Variants in TMEM167B observed in about 807,000 individuals in gnomAD.
TMEM167B encodes transmembrane protein 167B.
TMEM167B carries 2 observed loss-of-function variants against 9.4 expected under a neutral mutation model. The ratio of observed to expected loss-of-function variants is 0.21; its 90% CI spans 0.09 to 0.67. The LOEUF is 0.67. Ranked by LOEUF, TMEM167B falls within the 30% of genes least tolerant of loss-of-function variation. The pLI, the probability that TMEM167B is intolerant of heterozygous loss-of-function variation, is 0.82. For missense variants in TMEM167B, 68 were observed against 87.6 expected (o/e 0.78, Z 0.89); for synonymous variants, 28 against 32.0 (o/e 0.87, Z 0.42).
At chr1:109,091,410 G>C (rs2102126139) in intron 1 of TMEM167B, among the ~76,000 whole-genome samples, 1 of 152,340 alleles carries the variant, frequency 6.6e-6, no homozygotes, top group Non-Finnish European at 1.5e-5. Context: ...CCCACGTGGA[G>C]ACCCTGACTA....
At chr1:109,091,886 T>C (rs1664459142) in intron 1 of TMEM167B, 1 of 152,182 alleles carries the variant, frequency 6.6e-6, no homozygotes. Context: ...TTATATATAA[T>C]ATTCATTTGG....
intron 1 of TMEM167B, among the ~76,000 whole-genome samples, chr1:109,091,935 C>A (rs1447396219): frequency 2.0e-5 from 3 of 152,046 alleles, no homozygotes; most frequent in African/African-American, 7.2e-5. Context: ...ATACTAGGCA[C>A]AGTAAGAAAA....
chr1:109,092,603 A>G (rs550269688), intron 1 of TMEM167B, among the ~76,000 whole-genome samples: 34 of 151,960 alleles, frequency 2.2e-4, no homozygotes, highest in African/African-American at 8.2e-4. Context: ...TTGGGGTCTC[A>G]CTCTGTTGCT....
chr1:109,092,960 A>G lies in TMEM167B; in HGVS notation c.81A>G (p.Val27=), dbSNP rs752301433. The change falls in exon 2 of 3, where the codon GTA becomes GTG. Residue 27 remains valine, a synonymous_variant. Transcript: ENST00000338272. The part of the protein sequence containing the change: ...FVCTCAYFKK[V]PRLKTWLLSE... The stretch of plus-strand genomic sequence containing the variant: ...GCACCTGTGCCTACTTCAAGAAAGT[A>G]CCTCGTCTCAAAACCTGGCTGCTAT... 1.2e-6 allele frequency: 2 copies of G among 1,614,126 alleles called. No individual in the cohort carries two copies. Among genetic ancestry groups the G allele is most frequent in the East Asian group, 4.5e-5 (2 of 44,874 alleles).
In TMEM167B at chr1:109,094,639, A is replaced by G. The variant is rs545731663; in HGVS notation, c.*140A>G. The G allele has an allele frequency of 1.2e-5, 9 of 742,942 alleles. No homozygotes were observed. The African/African-American group carries it at 1.4e-4, about 11-fold the overall frequency. The allele number at this position is 742,942 out of a possible 1,614,324, so 46.0% of individuals were successfully genotyped here. Reference sequence around the variant, plus strand: ...ACACCACAGCATCTGCCCCTGCTATATGTGGGGAAAACTCATGGTCACGAA... The same window carrying G: ...ACACCACAGCATCTGCCCCTGCTATGTGTGGGGAAAACTCATGGTCACGAA... On this transcript the variant is annotated 3_prime_UTR_variant, in exon 3 of 3. Transcript: ENST00000338272.
rs960758580 is a variant in TMEM167B, at chr1:109,096,920, C to CT, written c.*2428dup. 14 of 152,158 alleles carry CT rather than the reference C, an allele frequency of 9.2e-5. No homozygotes were observed. Among genetic ancestry groups the CT allele is most frequent in the African/African-American group, 3.1e-4 (13 of 41,520 alleles). The allele number at this position is 152,158 out of a possible 1,614,324, so 9.4% of individuals were successfully genotyped here. A position where few individuals can be genotyped will look rare whatever the true frequency, so the allele number is the denominator to read the frequency against. ...TCTGCACAAATCCTTGAAAATAAAC[C>CT]TTTTTTTCCCTACAGTCTTTGTCAA... is the stretch of plus-strand genomic sequence containing the variant. On this transcript the variant is annotated 3_prime_UTR_variant, in exon 3 of 3. Coordinates refer to ENST00000338272, the MANE Select transcript of TMEM167B (RefSeq NM_020141.4).
At chr1:109,093,191 A>AGAGG in intron 2 of TMEM167B, 170 bp downstream of exon 2, 1 of 997,344 alleles carries the variant, frequency 1.0e-6, no homozygotes, top group Non-Finnish European at 1.4e-6. Flanking sequence ...AGTTGAGGGA[A>AGAGG]GAGGTAAAAG....
Position 109,095,933 on chromosome 1 carries a change from T to G in TMEM167B, c.*1434T>G, listed in dbSNP as rs906944200. ...TAAAAAAAAAGAGTAGGTCTAAAAT[T>G]AAATTATTATAAGCAAGCATAGACA... On this transcript the variant is annotated 3_prime_UTR_variant, in exon 3 of 3. Transcript: ENST00000338272. 2 of 152,300 alleles carry G rather than the reference T, an allele frequency of 1.3e-5. No homozygotes were observed. Among genetic ancestry groups the G allele is most frequent in the South Asian group, 4.1e-4 (2 of 4,828 alleles). The allele number at this position is 152,300 out of a possible 1,614,324, so 9.4% of individuals were successfully genotyped here. A position where few individuals can be genotyped will look rare whatever the true frequency, so the allele number is the denominator to read the frequency against.
At position 109,095,604 on chromosome 1, in the gene TMEM167B, C is replaced by T. The variant is rs1158855668; in HGVS notation, c.*1105C>T. ...CCAAATTTTAATTTTCTTCATATTG[C>T]ATTGCTCTTTAGTTGTCTCTGGAAA... is the stretch of plus-strand genomic sequence containing the variant. On this transcript the variant is annotated 3_prime_UTR_variant, in exon 3 of 3. Transcript: ENST00000338272. 1 of 152,074 alleles carries T rather than the reference C, an allele frequency of 6.6e-6. No individual in the cohort carries two copies. The highest frequency in any genetic ancestry group is 1.5e-5 in the Non-Finnish European group (1 of 68,022). 9.4% of individuals were successfully genotyped at this position (152,074 alleles called of 1,614,324 possible).
Position 109,094,649 on chromosome 1 carries a change from A to G in TMEM167B, c.*150A>G. ...ATCTGCCCCTGCTATATGTGGGGAA[A>G]ACTCATGGTCACGAACATTATTTAT... is the stretch of plus-strand genomic sequence containing the variant. On this transcript the variant is annotated 3_prime_UTR_variant, in exon 3 of 3. Coordinates refer to ENST00000338272, the MANE Select transcript of TMEM167B (RefSeq NM_020141.4). 2 of 696,578 alleles carry G rather than the reference A, an allele frequency of 2.9e-6. No homozygotes were observed. Among genetic ancestry groups the G allele is most frequent in the South Asian group, 1.8e-5 (1 of 56,564 alleles). The allele number at this position is 696,578 out of a possible 1,614,324, so 43.1% of individuals were successfully genotyped here.
rs1664528263 is a variant in TMEM167B at position 109,094,688 on chromosome 1, A to G, written c.*189A>G. ...AACATTATTTATGCTTCAGGGGACT[A>G]CAGAAAGCCAGCTTCCTTTGATCTA... On this transcript the variant is annotated 3_prime_UTR_variant, in exon 3 of 3. Transcript: ENST00000338272. 2 of 600,258 alleles carry G rather than the reference A, an allele frequency of 3.3e-6. No individual in the cohort carries two copies. Among genetic ancestry groups the G allele is most frequent in the Non-Finnish European group, 5.9e-6 (2 of 339,152 alleles). 37.2% of individuals were successfully genotyped at this position (600,258 alleles called of 1,614,324 possible).
At position 109,094,493 on chromosome 1, in the gene TMEM167B, A is replaced by T. The variant is rs1200592910; in HGVS notation, c.219A>T (p.Ile73=). 4.3e-6 allele frequency: 7 copies of T among 1,613,756 alleles called. No homozygotes were observed. The Admixed American group carries it at 1.0e-4, about 23-fold the overall frequency. ...TAATGGCCTTTTACGTCCTGTTTAT[A>T]AAATGAATTCCAAAGCACCCAAGTC... The part of the protein sequence containing the change: ...CVVMAFYVLF[I]K Residue 73 remains isoleucine (I), a synonymous_variant, in exon 3 of 3, where the codon ATA becomes ATT. Coordinates refer to ENST00000338272, the MANE Select transcript of TMEM167B (RefSeq NM_020141.4).
chr1:109,095,862 A>G lies in TMEM167B; in HGVS notation c.*1363A>G, dbSNP rs887385542. 2 of 152,224 alleles carry G rather than the reference A, an allele frequency of 1.3e-5. No homozygotes were observed. The highest frequency in any genetic ancestry group is 1.3e-4 in the Admixed American group (2 of 15,276). 9.4% of individuals were successfully genotyped at this position (152,224 alleles called of 1,614,324 possible). A position where few individuals can be genotyped will look rare whatever the true frequency, so the allele number is the denominator to read the frequency against. On this transcript the variant is annotated 3_prime_UTR_variant, in exon 3 of 3. Transcript: ENST00000338272. ...AGGAAGACTTCTCCATTCCCTGCTT[A>G]TATCTATGGAAGGATCAGCTGTTGG...
Position 109,090,788 on chromosome 1 carries a change from G to C in TMEM167B, c.-85G>C, listed in dbSNP as rs531014946. ...TCTTCCAGTCACCTCGGCCCGGATC[G>C]GGAAGTGTCAAGCGGGCGCTCCCCC... On this transcript the variant is annotated 5_prime_UTR_variant, in exon 1 of 3. Transcript: ENST00000338272. 15 of 1,516,772 alleles carry C rather than the reference G, an allele frequency of 9.9e-6. No individual in the cohort carries two copies. The African/African-American group carries it at 1.5e-4, about 15-fold the overall frequency. The allele number at this position is 1,516,772 out of a possible 1,614,324, so 94.0% of individuals were successfully genotyped here.
At chr1:109,091,130 TTTTC>T (rs1249219238) in intron 1 of TMEM167B, among the ~76,000 whole-genome samples, 2 of 152,234 alleles carry the variant, frequency 1.3e-5, no homozygotes, top group Non-Finnish European at 2.9e-5. Flanking sequence ...TTGCTTTCCC[TTTTC>T]TTTTTCTTAG....
intron 2 of TMEM167B, 68 bp downstream of exon 2, chr1:109,093,089 A>T: frequency 6.3e-7 from 1 of 1,581,024 alleles, no homozygotes; most frequent in Non-Finnish European, 8.6e-7. Context: ...CAAAGTAGGG[A>T]GTACAGTGAG....
chr1:109,090,772 C>T lies in TMEM167B; in HGVS notation c.-101C>T, dbSNP rs902928725. On this transcript the variant is annotated 5_prime_UTR_variant, in exon 1 of 3. Transcript: ENST00000338272. Reference sequence around the variant, plus strand: ...CCTGCGTACTACGGCTTCTTCCAGTCACCTCGGCCCGGATCGGGAAGTGTC... The same window carrying T: ...CCTGCGTACTACGGCTTCTTCCAGTTACCTCGGCCCGGATCGGGAAGTGTC... 1.4e-6 allele frequency: 2 copies of T among 1,452,050 alleles called. No homozygotes were observed. Among genetic ancestry groups the T allele is most frequent in the African/African-American group, 1.4e-5 (1 of 71,196 alleles). The allele number at this position is 1,452,050 out of a possible 1,614,324, so 89.9% of individuals were successfully genotyped here. A position where few individuals can be genotyped will look rare whatever the true frequency, so the allele number is the denominator to read the frequency against.
chr1:109,096,636 C>G lies in TMEM167B; in HGVS notation c.*2137C>G, dbSNP rs531476014. Reference sequence around the variant, plus strand: ...TAATTTACAGCCAGAAACAAATATACATTTGTTTCATTTCTTGACTTTCCC... The same window carrying G: ...TAATTTACAGCCAGAAACAAATATAGATTTGTTTCATTTCTTGACTTTCCC... On this transcript the variant is annotated 3_prime_UTR_variant, in exon 3 of 3. Transcript: ENST00000338272. 70 of 152,294 alleles carry G rather than the reference C, an allele frequency of 4.6e-4. No homozygotes were observed. The highest frequency in any genetic ancestry group is 1.5e-3 in the African/African-American group (61 of 41,556). The allele number at this position is 152,294 out of a possible 1,614,324, so 9.4% of individuals were successfully genotyped here.
At chr1:109,092,129 A>G (rs1354600517) in intron 1 of TMEM167B, among the ~76,000 whole-genome samples, 1 of 152,212 alleles carries the variant, frequency 6.6e-6, no homozygotes, top group Non-Finnish European at 1.5e-5. Context: ...TTATGTATTT[A>G]AGAAACAGAG....
Sources: gnomAD v4.1 joint callset for allele counts (sites outside exome capture counted in the v4.1 genomes callset) on GRCh38, gnomAD v4.1.1 for gene constraint, MANE v1.5 for transcripts, NCBI Gene and HGNC (gene_info 2026-07-23, HGNC 2026-07-21) for gene names.